Variants in LMBRD1 observed in about 807,000 individuals in gnomAD.
LMBRD1 encodes the protein LMBR1 domain containing 1.
Under a neutral mutation model 74.8 loss-of-function variants are expected in LMBRD1, and 64 were observed. The observed-to-expected ratio is 0.86, with a 90% CI of 0.70 to 1.05. The LOEUF (loss-of-function observed/expected upper bound fraction) is 1.05, where lower values mean the gene tolerates loss of function less well. LMBRD1 is among the 50% of genes least tolerant of loss of function. The pLI, the probability that LMBRD1 is intolerant of heterozygous loss-of-function variation, is 0.00. For synonymous variants in LMBRD1, 204 were observed against 216.3 expected (o/e 0.94, Z 0.50); for missense variants, 652 against 645.9 (o/e 1.01, Z -0.10).
chr6:69,762,689 G>C (rs924831370), intron 3 of LMBRD1, among the ~76,000 whole-genome samples: 4 of 152,038 alleles, frequency 2.6e-5, no homozygotes, highest in Non-Finnish European at 5.9e-5. Flanking sequence ...GTCTTTGGGG[G>C]GTAATTAGGA....
chr6:69,752,304 G>T lies in LMBRD1; in HGVS notation c.360C>A (p.Tyr120Ter). ...FCVFFWIPFV[Y>*]FYYEEKDDDD... Reference sequence around the variant, plus strand: ...CATCATCCTTTTCTTCATAATAGAAGTAGACAAAAGGGATCCAGAAGAACA... The same window carrying T: ...CATCATCCTTTTCTTCATAATAGAATTAGACAAAAGGGATCCAGAAGAACA... The change falls in exon 4 of 16, where the codon TAC (tyrosine) becomes TAA (stop). Residue 120 changes from tyrosine (Y) to a stop codon, truncating the protein, a stop_gained. Coordinates refer to ENST00000649934, the MANE Select transcript of LMBRD1 (RefSeq NM_018368.4). LOFTEE classifies it high-confidence loss of function. 6.2e-7 allele frequency: 1 copy of T among 1,610,258 alleles called. No individual in the cohort carries two copies. The highest frequency in any genetic ancestry group is 8.5e-7 in the Non-Finnish European group (1 of 1,177,084).
intron 5 of LMBRD1, among the ~76,000 whole-genome samples, chr6:69,744,133 A>G (rs1185277841): frequency 3.3e-5 from 5 of 152,250 alleles, no homozygotes; most frequent in Non-Finnish European, 7.3e-5. Context: ...ACTAAATGAA[A>G]TGGTGATGAT....
At chr6:69,737,747 T>G (rs1767006973) in intron 7 of LMBRD1, among the ~76,000 whole-genome samples, 195 bp downstream of exon 7, 1 of 151,804 alleles carries the variant, frequency 6.6e-6, no homozygotes, top group East Asian at 1.9e-4. Context: ...TTTCTGATTA[T>G]GAAATTGCAC....
At position 69,697,584 on chromosome 6, in the gene LMBRD1, ATC is replaced by A. The variant is rs752266196; in HGVS notation, c.1394_1395del (p.Arg465MetfsTer2). ...TTACCTTCAGGAGCATCTGCATCAC[ATC>A]TCTTTGGCACAGAAAGGGTTGAATT... ...KGNSTLSVPK[R>X]CDADAPEDQC... On this transcript the variant is annotated frameshift_variant, in exon 14 of 16. Transcript: ENST00000649934. LOFTEE classifies it high-confidence loss of function. 6.2e-7 allele frequency: 1 copy of A among 1,607,156 alleles called. No homozygotes were observed. The highest frequency in any genetic ancestry group is 1.3e-5 in the African/African-American group (1 of 74,934).
intron 14 of LMBRD1, among the ~76,000 whole-genome samples, chr6:69,679,006 T>C (rs577298084): frequency 2.0e-5 from 3 of 148,306 alleles, no homozygotes; most frequent in South Asian, 2.1e-4. Flanking sequence ...AATTGCTCAA[T>C]ACCAAACTGA....
At chr6:69,677,184 A>T (rs563731368) in intron 14 of LMBRD1, among the ~76,000 whole-genome samples, 212 of 152,340 alleles carry the variant, frequency 1.4e-3, no homozygotes, top group African/African-American at 4.8e-3. Context: ...GTAATTGGAC[A>T]AAAGTGTATA....
chr6:69,689,259 G>C (rs1486078733), intron 14 of LMBRD1, among the ~76,000 whole-genome samples: 1 of 151,992 alleles, frequency 6.6e-6, no homozygotes, highest in African/African-American at 2.4e-5. Flanking sequence ...AGAAAAGAAA[G>C]TTAAGATTCT....
intron 3 of LMBRD1, among the ~76,000 whole-genome samples, chr6:69,769,777 A>AT (rs1449891458): frequency 6.6e-6 from 1 of 151,594 alleles, no homozygotes; most frequent in African/African-American, 2.4e-5. Flanking sequence ...AGCTCAAAAA[A>AT]ATATATATTT....
At chr6:69,689,527 A>G (rs1350828754) in intron 14 of LMBRD1, among the ~76,000 whole-genome samples, 1 of 152,166 alleles carries the variant, frequency 6.6e-6, no homozygotes, top group African/African-American at 2.4e-5. Flanking sequence ...TGGATTGGTA[A>G]GAATGATGAA....
chr6:69,691,269 A>T (rs894704656), intron 14 of LMBRD1, among the ~76,000 whole-genome samples: 8 of 151,106 alleles, frequency 5.3e-5, no homozygotes, highest in Non-Finnish European at 1.0e-4. Flanking sequence ...AGACATTTGC[A>T]TTAAAAGTCC....
intron 1 of LMBRD1, among the ~76,000 whole-genome samples, chr6:69,796,426 G>T (rs1022586359): frequency 8.5e-5 from 13 of 152,146 alleles, no homozygotes; most frequent in African/African-American, 2.9e-4. Context: ...AACTTGCAAA[G>T]ATCCAGCGCT....
chr6:69,785,637 C>A (rs1185117363), intron 2 of LMBRD1, among the ~76,000 whole-genome samples: 1 of 152,172 alleles, frequency 6.6e-6, no homozygotes, highest in African/African-American at 2.4e-5. Flanking sequence ...CAGATCCCAG[C>A]AGCTCTACCT....
Position 69,675,892 on chromosome 6 carries a change from T to C in LMBRD1, c.*266A>G, listed in dbSNP as rs1458394070. 2 of 426,888 alleles carry C rather than the reference T, an allele frequency of 4.7e-6. No homozygotes were observed. The highest frequency in any genetic ancestry group is 4.0e-5 in the African/African-American group (2 of 49,912). 26.4% of individuals were successfully genotyped at this position (426,888 alleles called of 1,614,324 possible). ...AAGATTTTTAATCAATTTAACACTATTATACATTAGAGGAAAAAATTTTGC... is the reference window on the plus strand; with the variant it reads ...AAGATTTTTAATCAATTTAACACTACTATACATTAGAGGAAAAAATTTTGC... On this transcript the variant is annotated 3_prime_UTR_variant, in exon 16 of 16. Coordinates refer to ENST00000649934, the MANE Select transcript of LMBRD1 (RefSeq NM_018368.4).
chr6:69,734,452 A>G (rs907555122), intron 7 of LMBRD1, among the ~76,000 whole-genome samples: 7 of 151,160 alleles, frequency 4.6e-5, no homozygotes, highest in Non-Finnish European at 7.4e-5. Context: ...CTGGAGTGAA[A>G]TGGCGCAATC....
At position 69,675,471 on chromosome 6, in the gene LMBRD1, C is replaced by T. The variant is rs995907129; in HGVS notation, c.*687G>A. Among the ~76,000 whole-genome samples, 8 of 151,836 alleles carry T rather than the reference C, an allele frequency of 5.3e-5. No individual in the cohort carries two copies. Among genetic ancestry groups the T allele is most frequent in the African/African-American group, 1.9e-4 (8 of 41,346 alleles). On this transcript the variant is annotated 3_prime_UTR_variant, in exon 16 of 16. Transcript: ENST00000649934. The stretch of plus-strand genomic sequence containing the variant: ...CAGGATTAATTATTCTTGACAATAC[C>T]CCTATTTATATTGAAATACACATTT...
chr6:69,740,292 G>C (rs1239438609), intron 6 of LMBRD1, among the ~76,000 whole-genome samples: 28 of 151,552 alleles, frequency 1.8e-4, no homozygotes, highest in Non-Finnish European at 7.4e-5. Flanking sequence ...TTTAACACTG[G>C]GAGACAAAAA....
At chr6:69,712,496 G>C (rs1766405391) in intron 9 of LMBRD1, among the ~76,000 whole-genome samples, 2 of 150,564 alleles carry the variant, frequency 1.3e-5, no homozygotes, top group Non-Finnish European at 3.0e-5. Flanking sequence ...CATACAAATA[G>C]ATAAATTCAT....
intron 7 of LMBRD1, among the ~76,000 whole-genome samples, chr6:69,720,351 T>A (rs1236832868): frequency 6.6e-6 from 1 of 152,192 alleles, no homozygotes; most frequent in Non-Finnish European, 1.5e-5. Flanking sequence ...TTAAAAAACC[T>A]TGCACTTTAA....
intron 7 of LMBRD1, among the ~76,000 whole-genome samples, chr6:69,728,044 G>T (rs1031028551): frequency 1.3e-4 from 20 of 152,202 alleles, no homozygotes; most frequent in Middle Eastern, 6.3e-3. Context: ...ATAAAGAAAA[G>T]AGGTTTAATT....
Sources: gnomAD v4.1 joint callset for allele counts (sites outside exome capture counted in the v4.1 genomes callset) on GRCh38, gnomAD v4.1.1 for gene constraint, MANE v1.5 for transcripts, NCBI Gene and HGNC (gene_info 2026-07-23, HGNC 2026-07-21) for gene names.